Variants in IGFL2 observed in about 807,000 individuals in gnomAD.
IGFL2 encodes insulin growth factor-like family member 2.
IGFL2 carries 7 observed loss-of-function variants against 13.9 expected under a neutral mutation model. That is an observed-to-expected ratio of 0.51 (90% CI 0.29 to 0.95). The LOEUF is 0.95. Among genes scored for constraint, IGFL2 ranks in the 40% least tolerant of loss-of-function variants. IGFL2 has a pLI of 0.08. For synonymous variants in IGFL2, 55 were observed against 55.8 expected, an observed-to-expected ratio of 0.99 and a Z score of 0.07; for missense variants, 138 against 147.8, an observed-to-expected ratio of 0.93 and a Z score of 0.34.
At chr19:46,131,561 G>C in the IGFL2 span, among the ~76,000 whole-genome samples, 2 of 152,040 alleles carry the variant, frequency 1.3e-5, no homozygotes, top group African/African-American at 4.8e-5. Context: ...TTTTTATTAG[G>C]TCTAGTTTGC....
chr19:46,179,977 C>T, the IGFL2 span, among the ~76,000 whole-genome samples: 16 of 152,112 alleles, frequency 1.1e-4, no homozygotes, highest in East Asian at 1.9e-4. Context: ...TATAGAGATT[C>T]CCCCAGGGTT....
chr19:46,181,189 G>T, the IGFL2 span: 1 of 127,272 alleles, frequency 7.9e-6, no homozygotes, highest in East Asian at 2.1e-4. Context: ...TGTGTTGTGT[G>T]TTTTCTGTTT....
the IGFL2 span, chr19:46,204,305 G>A: frequency 7.1e-6 from 1 of 140,486 alleles, no homozygotes; most frequent in Non-Finnish European, 1.6e-5. Context: ...CTTTCTGGAC[G>A]AGCTGGGCCT....
chr19:46,146,236 A>G (rs1973132102), upstream of IGFL2, among the ~76,000 whole-genome samples: 1 of 151,478 alleles, frequency 6.6e-6, no homozygotes, highest in Non-Finnish European at 1.5e-5. Context: ...TTGCCTTTAC[A>G]TCTTTGCCAA....
At chr19:46,212,584 G>A in the IGFL2 span, 2,342 of 152,248 alleles carry the variant, frequency 0.015, 43 homozygotes, top group East Asian at 0.067. Flanking sequence ...GAAAAAGCAC[G>A]TTAAGGAAAA....
the IGFL2 span, among the ~76,000 whole-genome samples, chr19:46,092,194 C>G: frequency 6.6e-6 from 1 of 152,242 alleles, no homozygotes; most frequent in East Asian, 1.9e-4. Flanking sequence ...GGGTCTTGTT[C>G]TGTCACCTAG....
chr19:46,141,328 G>A (rs914460277), upstream of IGFL2, among the ~76,000 whole-genome samples: 5 of 152,278 alleles, frequency 3.3e-5, no homozygotes, highest in East Asian at 1.9e-4. Context: ...ATAGTGTGCC[G>A]GAAAACGCTG....
chr19:46,181,337 T>A, the IGFL2 span: 2 of 152,194 alleles, frequency 1.3e-5, no homozygotes, highest in Non-Finnish European at 2.9e-5. Context: ...GCCACATTCA[T>A]AAGGTGAGTT....
At chr19:46,089,673 A>G in the IGFL2 span, among the ~76,000 whole-genome samples, 1 of 150,166 alleles carries the variant, frequency 6.7e-6, no homozygotes, top group African/African-American at 2.5e-5. Flanking sequence ...TCCCTTCTGC[A>G]CTTTGAACTC....
At chr19:46,126,711 A>G in the IGFL2 span, among the ~76,000 whole-genome samples, 1 of 152,246 alleles carries the variant, frequency 6.6e-6, no homozygotes, top group Non-Finnish European at 1.5e-5. Flanking sequence ...CACACAAGCC[A>G]AATCATGGTG....
the IGFL2 span, chr19:46,120,339 C>A: frequency 6.2e-7 from 1 of 1,611,156 alleles, no homozygotes; most frequent in Non-Finnish European, 8.5e-7. Context: ...TTTATGGGTA[C>A]AGGACGTGCC....
chr19:46,187,631 G>A, the IGFL2 span, among the ~76,000 whole-genome samples: 2 of 138,800 alleles, frequency 1.4e-5, no homozygotes, highest in African/African-American at 2.8e-5. Flanking sequence ...TGTGCTGCTG[G>A]TGTGTGCTAC....
chr19:46,134,472 G>A, the IGFL2 span, among the ~76,000 whole-genome samples: 1 of 152,016 alleles, frequency 6.6e-6, no homozygotes, highest in Non-Finnish European at 1.5e-5. Context: ...TATTACATAT[G>A]CAACTCACCA....
chr19:46,124,163 G>C, the IGFL2 span: 1 of 1,610,022 alleles, frequency 6.2e-7, no homozygotes, highest in African/African-American at 1.4e-5. Context: ...GCGTCTGGGG[G>C]CAGACATTGA....
chr19:46,090,238 C>G, the IGFL2 span, among the ~76,000 whole-genome samples: 6 of 152,252 alleles, frequency 3.9e-5, no homozygotes, highest in Admixed American at 2.6e-4. Context: ...ATTTCTTATT[C>G]TAGCCACTTA....
At chr19:46,150,631 A>C (rs1245648932) in intron 1 of IGFL2, among the ~76,000 whole-genome samples, 1 of 152,220 alleles carries the variant, frequency 6.6e-6, no homozygotes, top group East Asian at 1.9e-4. Context: ...TCACTAGAAC[A>C]TTTAAAATAT....
chr19:46,196,496 A>T, the IGFL2 span, among the ~76,000 whole-genome samples: 432 of 151,896 alleles, frequency 2.8e-3, 2 homozygotes, highest in African/African-American at 9.7e-3. Context: ...TTCCAGTCCC[A>T]CCCAGTCTTT....
At chr19:46,200,042 A>G in the IGFL2 span, among the ~76,000 whole-genome samples, 2 of 151,860 alleles carry the variant, frequency 1.3e-5, no homozygotes, top group Non-Finnish European at 2.9e-5. Context: ...ACGCCTGGCT[A>G]ATTTTTGTAT....
chr19:46,138,770 G>A (rs539412267), upstream of IGFL2, among the ~76,000 whole-genome samples: 29 of 152,150 alleles, frequency 1.9e-4, no homozygotes, highest in Non-Finnish European at 3.4e-4. Flanking sequence ...CTTGGGAGAG[G>A]CCAGCACACT....
Sources: gnomAD v4.1 joint callset for allele counts (sites outside exome capture counted in the v4.1 genomes callset) on GRCh38, gnomAD v4.1.1 for gene constraint, MANE v1.5 for transcripts, NCBI Gene and HGNC (gene_info 2026-07-23, HGNC 2026-07-21) for gene names.